ACOX2: variants seen among roughly 807,000 people sequenced by gnomAD.
ACOX2 encodes peroxisomal acyl-coenzyme A oxidase 2.
A neutral mutation model predicts 77.5 loss-of-function variants in ACOX2; 59 were observed. The ratio of observed to expected loss-of-function variants is 0.76; its 90% CI spans 0.62 to 0.95. The LOEUF (loss-of-function observed/expected upper bound fraction) is 0.95, where lower values mean the gene tolerates loss of function less well. ACOX2 is among the 40% of genes least tolerant of loss of function. ACOX2 has a pLI of 0.00. For missense variants in ACOX2, 837 were observed against 880.4 expected, an observed-to-expected ratio of 0.95 and a Z score of 0.62; for synonymous variants, 317 against 340.1, an observed-to-expected ratio of 0.93 and a Z score of 0.75.
Position 58,533,898 on chromosome 3 carries a change from C to T in ACOX2, c.475+96G>A, listed in dbSNP as rs926761281. The T allele has an allele frequency of 4.1e-5, 59 of 1,452,038 alleles. No individual in the cohort carries two copies. Among genetic ancestry groups the T allele is most frequent in the Non-Finnish European group, 5.1e-5 (54 of 1,060,374 alleles). 89.9% of individuals were successfully genotyped at this position (1,452,038 alleles called of 1,614,324 possible). On this transcript the variant is annotated intron_variant, in intron 4 of 14. Transcript: ENST00000302819. This position sits in a 1 kb window ranked among gnomAD's most constrained non-coding sequence, Gnocchi z 5.6. ...GTTTTCTTATTAAACATATGTCCCT[C>T]GGAGCATATGAACCTATGACTACCT...
Position 58,533,523 on chromosome 3 carries a change from C to A in ACOX2, c.505G>T (p.Ala169Ser). The A allele has an allele frequency of 1.2e-6, 2 of 1,613,948 alleles. No individual in the cohort carries two copies. Among genetic ancestry groups the A allele is most frequent in the South Asian group, 2.2e-5 (2 of 91,064 alleles). ...GTYLQGLETE[A>S]TYDAATQEFV... ...TCCTGGGTGGCTGCGTCATAGGTGG[C>A]TTCAGTCTCCAGGCCCTGAAGATAT... is the stretch of plus-strand genomic sequence containing the variant. The change falls in exon 5 of 15, where the codon GCC (alanine) becomes TCC (serine). Residue 169 changes from alanine to serine, a missense_variant. Coordinates refer to ENST00000302819, the MANE Select transcript of ACOX2 (RefSeq NM_003500.4). This position sits in a 1 kb window ranked among gnomAD's most constrained non-coding sequence, Gnocchi z 5.6.
intron 13 of ACOX2, 53 bp downstream of exon 13, chr3:58,517,153 G>A: frequency 1.3e-6 from 2 of 1,589,216 alleles, no homozygotes; most frequent in Non-Finnish European, 1.7e-6. Context: ...CTGTGAACAA[G>A]GGGTAGGGTT....
chr3:58,535,987 GC>G lies in ACOX2; in HGVS notation c.-91-791del, dbSNP rs2063478653. On this transcript the variant is annotated intron_variant, in intron 1 of 14. Transcript: ENST00000302819. This position sits in a 1 kb window ranked among gnomAD's most constrained non-coding sequence, Gnocchi z 4.8. The stretch of plus-strand genomic sequence containing the variant: ...AGTGTTCCTCTTATTTGTTCTCCCA[GC>G]TGCCAGGTGAACTCTTGAACTGCAA... 6.6e-6 allele frequency among the ~76,000 whole-genome samples: 1 copy of G among 152,000 alleles called. No individual in the cohort carries two copies. The highest frequency in any genetic ancestry group is 2.4e-5 in the African/African-American group (1 of 41,384).
Position 58,530,503 on chromosome 3 carries a change from A to G in ACOX2, c.955T>C (p.Tyr319His). The G allele has an allele frequency of 6.2e-7, 1 of 1,614,230 alleles. No homozygotes were observed. Among genetic ancestry groups the G allele is most frequent in the Non-Finnish European group, 8.5e-7 (1 of 1,180,020 alleles). Residue 319 changes from tyrosine to histidine, a missense_variant, in exon 8 of 15, where the codon TAC (tyrosine) becomes CAC (histidine). Physicochemically the swap from Tyr to His is moderately conservative, Grantham distance 83. Transcript: ENST00000302819. ...LQKACVIAMR[Y>H]SVIRRQSRLR... ...CGGGATTGGCGGCGGATGACCGAGT[A>G]GCGCATGGCGATGACACAGGCCTTC...
chr3:58,530,362 T>C (rs1285473551), intron 8 of ACOX2, 104 bp downstream of exon 8: 3 of 1,489,330 alleles, frequency 2.0e-6, no homozygotes, highest in Non-Finnish European at 2.7e-6. Context: ...GGGCATTGCC[T>C]GCTCCCAGCA....
chr3:58,531,377 A>G lies in ACOX2; in HGVS notation c.704-11T>C. 6.2e-7 allele frequency: 1 copy of G among 1,610,366 alleles called. No individual in the cohort carries two copies. Among genetic ancestry groups the G allele is most frequent in the Non-Finnish European group, 8.5e-7 (1 of 1,176,822 alleles). ...CCCCAATGATGATTCCTTGAAGGAG[A>G]TGGAGATGAGGACACCTATCAGTTG... On this transcript the variant is annotated splice_polypyrimidine_tract_variant and intron_variant, in intron 6 of 14. Coordinates refer to ENST00000302819, the MANE Select transcript of ACOX2 (RefSeq NM_003500.4). The surrounding 1 kb of genome is among the most constrained non-coding windows in gnomAD (Gnocchi z 5.8).
In ACOX2 at chr3:58,524,565, C is replaced by T. The variant is rs1265540091; in HGVS notation, c.1387G>A (p.Gly463Ser). 1 of 1,614,062 alleles carries T rather than the reference C, an allele frequency of 6.2e-7. No individual in the cohort carries two copies. Among genetic ancestry groups the T allele is most frequent in the Non-Finnish European group, 8.5e-7 (1 of 1,180,040 alleles). ...GAGAGAGATCTCTGTGGCGTGGAGC[C>T]AGGGGACATCTGAGTCTGCAGGTAG... ...KSYLQTQMSP[G>S]STPQRSLSPS... Residue 463 changes from glycine (G) to serine (S), a missense_variant, in exon 11 of 15, where the codon GGC becomes AGC. Coordinates refer to ENST00000302819, the MANE Select transcript of ACOX2 (RefSeq NM_003500.4). This position sits in a 1 kb window ranked among gnomAD's most constrained non-coding sequence, Gnocchi z 5.5.
In ACOX2 at chr3:58,531,754, C is replaced by T. The variant is rs759110163; in HGVS notation, c.642G>A (p.Arg214=). 6.2e-7 allele frequency: 1 copy of T among 1,614,218 alleles called. No homozygotes were observed. Among genetic ancestry groups the T allele is most frequent in the South Asian group, 1.1e-5 (1 of 91,090 alleles). ...GCACAATAAAAGCGTGCATGCCCCG[C>T]CTGGCTCCTGAGCAGATCAGCTGGG... ...VQAQLICSGA[R]RGMHAFIVPI... The change falls in exon 6 of 15, where the codon AGG becomes AGA. Residue 214 remains arginine (R), a synonymous_variant. Transcript: ENST00000302819. The surrounding 1 kb of genome is among the most constrained non-coding windows in gnomAD (Gnocchi z 5.8).
rs895417763 is a variant in ACOX2 at position 58,534,751 on chromosome 3, T to C, written c.160+196A>G. ...ATCCAGGTCTTCTGCTGCCTAGGAC[T>C]CTTCTATCCCCTAGGTGGGCTCAGG... On this transcript the variant is annotated intron_variant, in intron 2 of 14. Coordinates refer to ENST00000302819, the MANE Select transcript of ACOX2 (RefSeq NM_003500.4). The surrounding 1 kb of genome is among the most constrained non-coding windows in gnomAD (Gnocchi z 4.8). 2.3e-6 allele frequency: 3 copies of C among 1,319,726 alleles called. No individual in the cohort carries two copies. The highest frequency in any genetic ancestry group is 2.1e-6 in the Non-Finnish European group (2 of 942,322). The allele number at this position is 1,319,726 out of a possible 1,614,324, so 81.8% of individuals were successfully genotyped here. A position where few individuals can be genotyped will look rare whatever the true frequency, so the allele number is the denominator to read the frequency against.
rs987637652 is a variant in ACOX2 at position 58,514,691 on chromosome 3, G to C, written c.1850+2515C>G. Among the ~76,000 whole-genome samples, 2 of 152,216 alleles carry C rather than the reference G, an allele frequency of 1.3e-5. No homozygotes were observed. The highest frequency in any genetic ancestry group is 4.8e-5 in the African/African-American group (2 of 41,446). ...GAGTAAGTTGGCAGATTGCATCTGG[G>C]CTGTCTGTCTTGTCTTGAATTGTAA... On this transcript the variant is annotated intron_variant, in intron 13 of 14. Transcript: ENST00000302819. This position sits in a 1 kb window ranked among gnomAD's most constrained non-coding sequence, Gnocchi z 4.3.
At position 58,528,780 on chromosome 3, in the gene ACOX2, C is replaced by T. The variant is rs1443947583; in HGVS notation, c.1155+14G>A. On this transcript the variant is annotated intron_variant, in intron 9 of 14. Transcript: ENST00000302819. The surrounding 1 kb of genome is among the most constrained non-coding windows in gnomAD (Gnocchi z 5.6). ...GCGCCTGCCAGCGCCTGCCCCTCCG[C>T]AGACAGCAGGTACCTCAGGCAGGAA... is the stretch of plus-strand genomic sequence containing the variant. The T allele has an allele frequency of 3.1e-6, 5 of 1,595,572 alleles. No homozygotes were observed. The Admixed American group carries it at 6.9e-5, about 22-fold the overall frequency.
chr3:58,510,102 C>T (rs2063267279), intron 13 of ACOX2, among the ~76,000 whole-genome samples: 1 of 152,122 alleles, frequency 6.6e-6, no homozygotes, highest in Non-Finnish European at 1.5e-5. Context: ...TCCTGGCCTT[C>T]GGGCCTCCCA....
chr3:58,509,640 C>T (rs572025869), intron 13 of ACOX2, among the ~76,000 whole-genome samples: 7 of 125,262 alleles, frequency 5.6e-5, no homozygotes, highest in Non-Finnish European at 1.1e-4. Context: ...TACAGAGTCT[C>T]AGTTGCCCAG....
chr3:58,522,380 G>T lies in ACOX2; in HGVS notation c.1632+116C>A. 3.2e-6 allele frequency: 3 copies of T among 950,980 alleles called. No individual in the cohort carries two copies. The highest frequency in any genetic ancestry group is 4.9e-6 in the Non-Finnish European group (3 of 615,884). The allele number at this position is 950,980 out of a possible 1,614,324, so 58.9% of individuals were successfully genotyped here. Reference sequence around the variant, plus strand: ...CTAAAGCCTTGGAAGTGAAATGAGGGCAGCCGCCACTGAAGCAGAGTTGGG... The same window carrying T: ...CTAAAGCCTTGGAAGTGAAATGAGGTCAGCCGCCACTGAAGCAGAGTTGGG... On this transcript the variant is annotated intron_variant, in intron 12 of 14. Transcript: ENST00000302819. The surrounding 1 kb of genome is among the most constrained non-coding windows in gnomAD (Gnocchi z 4.3).
intron 8 of ACOX2, 136 bp downstream of exon 8, chr3:58,530,330 T>G: frequency 1.6e-6 from 2 of 1,267,728 alleles, no homozygotes; most frequent in Non-Finnish European, 2.2e-6. Flanking sequence ...GATTTTGTGT[T>G]TGTGTGTGTG....
In ACOX2 at chr3:58,522,558, A is replaced by AT. The variant is rs768434912; in HGVS notation, c.1569dup (p.Ser524IlefsTer4). 5.6e-6 allele frequency: 9 copies of AT among 1,614,148 alleles called. No homozygotes were observed. Among genetic ancestry groups the AT allele is most frequent in the Non-Finnish European group, 6.8e-6 (8 of 1,180,026 alleles). ...CAAGCCTCGTGCTGGTCAGCTCCGG[A>AT]TTGCGTCAGGGTCTGTAAATGCTGC... On this transcript the variant is annotated frameshift_variant, in exon 12 of 15. Coordinates refer to ENST00000302819, the MANE Select transcript of ACOX2 (RefSeq NM_003500.4). LOFTEE classifies it high-confidence loss of function. This position sits in a 1 kb window ranked among gnomAD's most constrained non-coding sequence, Gnocchi z 4.3.
At chr3:58,510,765 A>T (rs1398123371) in intron 13 of ACOX2, among the ~76,000 whole-genome samples, 2 of 135,458 alleles carry the variant, frequency 1.5e-5, no homozygotes, top group African/African-American at 5.6e-5. Flanking sequence ...TTGCTTTGTC[A>T]TACCTGTTTA....
chr3:58,506,422 T>C (rs2063234429), intron 14 of ACOX2, among the ~76,000 whole-genome samples: 1 of 152,198 alleles, frequency 6.6e-6, no homozygotes, highest in Admixed American at 6.5e-5. Context: ...TTTCTTTTGG[T>C]AGAAAAATGT....
chr3:58,534,132 C>T lies in ACOX2; in HGVS notation c.337G>A (p.Asp113Asn), dbSNP rs1341042260. 5 of 1,614,058 alleles carry T rather than the reference C, an allele frequency of 3.1e-6. No homozygotes were observed. Among genetic ancestry groups the T allele is most frequent in the Non-Finnish European group, 4.2e-6 (5 of 1,180,040 alleles). The change falls in exon 4 of 15, where the codon GAC (aspartate) becomes AAC (asparagine). Residue 113 changes from aspartate to asparagine, a missense_variant. By Grantham distance (23) the Asp-to-Asn change is conservative. Coordinates refer to ENST00000302819, the MANE Select transcript of ACOX2 (RefSeq NM_003500.4). This position sits in a 1 kb window ranked among gnomAD's most constrained non-coding sequence, Gnocchi z 4.8. ...ACTCTGTGTATATTTAAGGCCACGTCTCCAGAAAGGGCTCTGTTGGGGAGA... is the reference window on the plus strand; with the variant it reads ...ACTCTGTGTATATTTAAGGCCACGTTTCCAGAAAGGGCTCTGTTGGGGAGA... ...LGYAYRALSG[D>N]VALNIHRVFV... is the part of the protein sequence containing the mutation.
Sources: gnomAD v4.1 joint callset for allele counts (sites outside exome capture counted in the v4.1 genomes callset) on GRCh38, gnomAD v4.1.1 for gene constraint, Gnocchi (gnomAD v3.1) non-coding constraint, MANE v1.5 for transcripts, NCBI Gene and HGNC (gene_info 2026-07-23, HGNC 2026-07-21) for gene names.